ELL2: variants seen among roughly 807,000 people sequenced by gnomAD.
ELL2 encodes the protein elongation factor for RNA polymerase II 2.
A neutral mutation model predicts 72.8 loss-of-function variants in ELL2; 21 were observed. The observed-to-expected ratio is 0.29, with a 90% CI of 0.20 to 0.42. The LOEUF (loss-of-function observed/expected upper bound fraction) is 0.42, where lower values mean the gene tolerates loss of function less well. Ranked by LOEUF, ELL2 falls within the 10% of genes least tolerant of loss-of-function variation. ELL2 has a pLI of 1.00. For missense variants in ELL2, 568 were observed against 772.8 expected (o/e 0.73, Z 3.14); for synonymous variants, 266 against 283.2 (o/e 0.94, Z 0.61).
At chr5:95,937,128 T>G (rs550775292) in intron 2 of ELL2, among the ~76,000 whole-genome samples, 1 of 152,184 alleles carries the variant, frequency 6.6e-6, no homozygotes, top group Non-Finnish European at 1.5e-5. Context: ...TCCAAAGTGA[T>G]GCAGTTTGGT....
intron 10 of ELL2, 103 bp downstream of exon 10, chr5:95,891,000 G>T (rs767284551): frequency 7.3e-7 from 1 of 1,366,716 alleles, no homozygotes; most frequent in Non-Finnish European, 1.0e-6. Flanking sequence ...GTCTGCAAGA[G>T]TACTTACTCT....
chr5:95,924,149 C>T (rs967571196), intron 2 of ELL2, among the ~76,000 whole-genome samples: 1 of 152,172 alleles, frequency 6.6e-6, no homozygotes, highest in Non-Finnish European at 1.5e-5. Context: ...TAATCTAGAG[C>T]CATTCAGGCA....
At chr5:95,921,673 T>C (rs1750094046) in intron 2 of ELL2, among the ~76,000 whole-genome samples, 1 of 152,236 alleles carries the variant, frequency 6.6e-6, no homozygotes, top group Admixed American at 6.5e-5. Flanking sequence ...CAAGAGAACA[T>C]AAGGCTACCT....
At chr5:95,904,047 C>G (rs1749253021) in intron 5 of ELL2, among the ~76,000 whole-genome samples, 1 of 152,232 alleles carries the variant, frequency 6.6e-6, no homozygotes, top group African/African-American at 2.4e-5. Context: ...CCCCTCCAAG[C>G]CATTCTTGCC....
At chr5:95,937,864 G>C (rs1179781905) in intron 2 of ELL2, among the ~76,000 whole-genome samples, 1 of 152,148 alleles carries the variant, frequency 6.6e-6, no homozygotes, top group East Asian at 1.9e-4. Context: ...TCAAGGGAAA[G>C]AAGTCGGAGG....
chr5:95,902,147 A>T (rs936172118), intron 5 of ELL2, among the ~76,000 whole-genome samples: 1 of 152,230 alleles, frequency 6.6e-6, no homozygotes, highest in South Asian at 2.1e-4. Context: ...TAGAAACCAA[A>T]CAGTGCCCAA....
At chr5:95,938,090 A>C (rs1750842983) in intron 2 of ELL2, among the ~76,000 whole-genome samples, 1 of 152,212 alleles carries the variant, frequency 6.6e-6, no homozygotes. Context: ...CACACCCCCC[A>C]CAAAGTAAAA....
chr5:95,904,135 A>T (rs890765139), intron 5 of ELL2, among the ~76,000 whole-genome samples: 4 of 152,140 alleles, frequency 2.6e-5, no homozygotes, highest in Admixed American at 2.6e-4. Flanking sequence ...TCTCCACTTA[A>T]AGCAGAGGAT....
chr5:95,902,830 G>A (rs1749192490), intron 5 of ELL2, among the ~76,000 whole-genome samples: 2 of 152,070 alleles, frequency 1.3e-5, no homozygotes, highest in Non-Finnish European at 2.9e-5. Context: ...CACCCAGGCT[G>A]GAGTCCAGTG....
At position 95,888,849 on chromosome 5, in the gene ELL2, A is replaced by G; in HGVS notation, c.*22T>C. 1 of 1,510,134 alleles carries G rather than the reference A, an allele frequency of 6.6e-7. No individual in the cohort carries two copies. The highest frequency in any genetic ancestry group is 1.2e-5 in the South Asian group (1 of 82,304). The allele number at this position is 1,510,134 out of a possible 1,614,324, so 93.5% of individuals were successfully genotyped here. ...AATAAATAAGCTTAAGTTTATTCAC[A>G]TCTTCTGGTCCAAGCAGAGTTCTAG... On this transcript the variant is annotated 3_prime_UTR_variant, in exon 12 of 12. Coordinates refer to ENST00000237853, the MANE Select transcript of ELL2 (RefSeq NM_012081.6).
At chr5:95,934,714 G>A (rs1028766353) in intron 2 of ELL2, among the ~76,000 whole-genome samples, 1 of 152,132 alleles carries the variant, frequency 6.6e-6, no homozygotes. Context: ...AACAAGACCT[G>A]CCTTCTCTGT....
At position 95,885,343 on chromosome 5, in the gene ELL2, T is replaced by C. The variant is rs1031846959; in HGVS notation, c.*3528A>G. On this transcript the variant is annotated 3_prime_UTR_variant, in exon 12 of 12. Transcript: ENST00000237853. ...AACATTGATAGCATCTCCTGTGGCC[T>C]TCAGTTAGTAGTGCCAGTTAATATT... 2.0e-5 allele frequency: 3 copies of C among 152,232 alleles called. No individual in the cohort carries two copies. Among genetic ancestry groups the C allele is most frequent in the South Asian group, 4.1e-4 (2 of 4,830 alleles). The allele number at this position is 152,232 out of a possible 1,614,324, so 9.4% of individuals were successfully genotyped here.
intron 1 of ELL2, among the ~76,000 whole-genome samples, chr5:95,951,455 T>G (rs1029969073): frequency 5.3e-5 from 8 of 152,162 alleles, no homozygotes; most frequent in African/African-American, 1.9e-4. Flanking sequence ...CCCCCAGATT[T>G]AATGTGGGCC....
chr5:95,896,430 T>C (rs1200668063), intron 8 of ELL2, among the ~76,000 whole-genome samples: 1 of 152,236 alleles, frequency 6.6e-6, no homozygotes, highest in Non-Finnish European at 1.5e-5. Flanking sequence ...TCATTGAAAG[T>C]AGGGTTAAAC....
intron 1 of ELL2, among the ~76,000 whole-genome samples, chr5:95,957,149 T>G (rs1005587679): frequency 1.3e-5 from 2 of 152,212 alleles, no homozygotes; most frequent in Non-Finnish European, 2.9e-5. Flanking sequence ...AAAACTAAAC[T>G]GACAGGCTCA....
rs1022783375 is a variant in ELL2 at position 95,900,841 on chromosome 5, G to A, written c.867-61C>T. 6.2e-5 allele frequency: 97 copies of A among 1,558,812 alleles called. No individual in the cohort carries two copies. In the Admixed American group the frequency reaches 1.9e-3, roughly 30 times the overall value. On this transcript the variant is annotated intron_variant, in intron 6 of 11. Coordinates refer to ENST00000237853, the MANE Select transcript of ELL2 (RefSeq NM_012081.6). ...GATTTAAAAATGTTCATGATAGAAA[G>A]CTTGCCTTGCTTCCCTTCCCACCTT...
chr5:95,951,876 C>G (rs182271455), intron 1 of ELL2, among the ~76,000 whole-genome samples: 3 of 152,230 alleles, frequency 2.0e-5, no homozygotes, highest in Admixed American at 6.5e-5. Context: ...ACAGTACTTG[C>G]TGATAGATCA....
Position 95,913,875 on chromosome 5 carries a change from G to A in ELL2, c.377C>T (p.Ala126Val). Residue 126 changes from alanine to valine, a missense_variant, in exon 4 of 12, where the codon GCA becomes GTA. Around this residue, in one of 2 missense-constraint regions of ELL2, gnomAD observed 511 missense variants for 728.4 expected, o/e 0.70. Coordinates refer to ENST00000237853, the MANE Select transcript of ELL2 (RefSeq NM_012081.6). ...TGTCATCTGATACGAGTCGTTTGTTGCACACACTGTAATTTTATCTTGTAT... is the reference window on the plus strand; with the variant it reads ...TGTCATCTGATACGAGTCGTTTGTTACACACACTGTAATTTTATCTTGTAT... ...GFIQDKITVC[A>V]TNDSYQMTRE... is the part of the protein sequence containing the mutation. 3 of 1,609,224 alleles carry A rather than the reference G, an allele frequency of 1.9e-6. No individual in the cohort carries two copies. Among genetic ancestry groups the A allele is most frequent in the Non-Finnish European group, 2.5e-6 (3 of 1,177,320 alleles).
intron 9 of ELL2, 121 bp downstream of exon 9, chr5:95,895,507 G>C (rs572885604): frequency 5.9e-6 from 5 of 844,574 alleles, no homozygotes; most frequent in African/African-American, 3.4e-5. Context: ...CAATTGCAAG[G>C]GTGGCTCCAG....
Sources: allele counts gnomAD v4.1 joint callset (sites outside exome capture counted in the v4.1 genomes callset), GRCh38; gene constraint gnomAD v4.1.1; regional missense constraint gnomAD v4.1.1; transcripts MANE v1.5; gene names NCBI Gene and HGNC (gene_info 2026-07-23, HGNC 2026-07-21).